SMOC2: variants seen among roughly 807,000 people sequenced by gnomAD.
SMOC2 encodes SPARC related modular calcium binding 2.
SMOC2 carries 39 observed loss-of-function variants against 61.4 expected under a neutral mutation model. The observed-to-expected ratio is 0.64, with a 90% CI of 0.49 to 0.83. The LOEUF (loss-of-function observed/expected upper bound fraction) is 0.83, where lower values mean the gene tolerates loss of function less well. Ranked by LOEUF, SMOC2 falls within the 40% of genes least tolerant of loss-of-function variation. The probability of loss-of-function intolerance (pLI) is 0.00; values close to 1 mark genes in which losing one functional copy is unlikely to be tolerated. For synonymous variants in SMOC2, 247 were observed against 239.9 expected, an observed-to-expected ratio of 1.03 and a Z score of -0.27; for missense variants, 556 against 592.9, an observed-to-expected ratio of 0.94 and a Z score of 0.65.
At chr6:168,454,560 C>T (rs1383525741) in intron 1 of SMOC2, among the ~76,000 whole-genome samples, 1 of 152,128 alleles carries the variant, frequency 6.6e-6, no homozygotes, top group Admixed American at 6.5e-5. Context: ...AGATGGGAGG[C>T]ACCTGGGCAG....
At chr6:168,534,062 A>G (rs950178941) in intron 4 of SMOC2, among the ~76,000 whole-genome samples, 2 of 152,226 alleles carry the variant, frequency 1.3e-5, no homozygotes, top group Admixed American at 6.5e-5. Context: ...CCTGTGCAAC[A>G]AAAGTGAGAC....
intron 9 of SMOC2, among the ~76,000 whole-genome samples, chr6:168,643,873 T>G (rs924672684): frequency 6.6e-6 from 1 of 152,110 alleles, no homozygotes; most frequent in Non-Finnish European, 1.5e-5. Flanking sequence ...GTCAGCTGCA[T>G]GAGGGTGACA....
chr6:168,613,012 G>A (rs1391333769), intron 9 of SMOC2, among the ~76,000 whole-genome samples: 1 of 152,200 alleles, frequency 6.6e-6, no homozygotes, highest in Non-Finnish European at 1.5e-5. Context: ...TTTCACTCTC[G>A]GATACGGTTT....
intron 7 of SMOC2, among the ~76,000 whole-genome samples, chr6:168,568,392 C>T (rs566005995): frequency 3.9e-5 from 6 of 152,200 alleles, no homozygotes; most frequent in East Asian, 1.9e-4. Context: ...CACACCTCCA[C>T]CACTTTTCCT....
intron 7 of SMOC2, among the ~76,000 whole-genome samples, chr6:168,568,567 G>A (rs934947969): frequency 2.0e-5 from 3 of 152,120 alleles, no homozygotes; most frequent in South Asian, 2.1e-4. Context: ...CCCCATCATA[G>A]TGTCATACAG....
chr6:168,505,411 A>G (rs891120905), intron 1 of SMOC2, among the ~76,000 whole-genome samples: 2 of 151,410 alleles, frequency 1.3e-5, no homozygotes, highest in Admixed American at 1.3e-4. Flanking sequence ...TGACTGAATG[A>G]AATGTCCATC....
At chr6:168,466,812 C>T (rs2115008951) in intron 1 of SMOC2, among the ~76,000 whole-genome samples, 1 of 152,330 alleles carries the variant, frequency 6.6e-6, no homozygotes, top group Non-Finnish European at 1.5e-5. Context: ...ATCCTGGACG[C>T]TTGGTTTCTC....
At chr6:168,662,285 C>A (rs1356657873) in intron 11 of SMOC2, among the ~76,000 whole-genome samples, 1 of 152,106 alleles carries the variant, frequency 6.6e-6, no homozygotes, top group African/African-American at 2.4e-5. Flanking sequence ...CCCCACAGCA[C>A]GATAGGGGTT....
At chr6:168,611,588 C>T (rs13219133) in intron 9 of SMOC2, among the ~76,000 whole-genome samples, 18 of 50,762 alleles carry the variant, frequency 3.5e-4, no homozygotes, top group Admixed American at 7.1e-4. Context: ...CGGGCCTGGC[C>T]GTGGCTCCCA....
At chr6:168,529,968 A>G (rs1208537047) in intron 4 of SMOC2, among the ~76,000 whole-genome samples, 1 of 152,276 alleles carries the variant, frequency 6.6e-6, no homozygotes, top group African/African-American at 2.4e-5. Flanking sequence ...GCTAATCTGC[A>G]GTATGCACTG....
intron 1 of SMOC2, among the ~76,000 whole-genome samples, chr6:168,461,358 T>C (rs945719155): frequency 1.3e-5 from 2 of 152,198 alleles, no homozygotes; most frequent in Admixed American, 1.3e-4. Context: ...AGCCAAACCA[T>C]ATTAAAAGTG....
chr6:168,498,544 G>T (rs1475969062), intron 1 of SMOC2, among the ~76,000 whole-genome samples: 1 of 152,226 alleles, frequency 6.6e-6, no homozygotes, highest in African/African-American at 2.4e-5. Context: ...GGTCATTGGG[G>T]TTGTCTGTGT....
intron 1 of SMOC2, among the ~76,000 whole-genome samples, chr6:168,479,450 T>C (rs1409378645): frequency 6.6e-6 from 1 of 152,228 alleles, no homozygotes; most frequent in African/African-American, 2.4e-5. Context: ...CAGAAATCTG[T>C]ATTCCCACCT....
At chr6:168,494,698 C>T (rs1782546536) in intron 1 of SMOC2, among the ~76,000 whole-genome samples, 2 of 152,230 alleles carry the variant, frequency 1.3e-5, no homozygotes, top group Admixed American at 1.3e-4. Flanking sequence ...CACCTCTCCT[C>T]ATACTGGGGT....
chr6:168,653,657 T>G (rs1370018602), intron 11 of SMOC2, among the ~76,000 whole-genome samples: 409 of 129,912 alleles, frequency 3.1e-3, no homozygotes, highest in African/African-American at 0.014. Context: ...ACCCTCTACC[T>G]GAGCTCCAAC....
At chr6:168,614,116 AG>A (rs1785977673) in intron 9 of SMOC2, among the ~76,000 whole-genome samples, 1 of 59,256 alleles carries the variant, frequency 1.7e-5, no homozygotes, top group Non-Finnish European at 3.2e-5. Flanking sequence ...CAGCACATGG[AG>A]CCTCTTCACA....
chr6:168,465,173 C>A (rs1562542161), intron 1 of SMOC2, among the ~76,000 whole-genome samples: 1 of 152,236 alleles, frequency 6.6e-6, no homozygotes, highest in Non-Finnish European at 1.5e-5. Context: ...ACATTCCTTT[C>A]TCTTTTTAAC....
At chr6:168,476,150 A>C (rs1459090992) in intron 1 of SMOC2, among the ~76,000 whole-genome samples, 2 of 152,290 alleles carry the variant, frequency 1.3e-5, no homozygotes, top group African/African-American at 2.4e-5. Flanking sequence ...CCAACTGTGC[A>C]GAGGCAGTTG....
At chr6:168,485,404 A>AAAAGG (rs1432908487) in intron 1 of SMOC2, among the ~76,000 whole-genome samples, 2 of 152,234 alleles carry the variant, frequency 1.3e-5, no homozygotes, top group Admixed American at 1.3e-4. Context: ...CATAACAGCC[A>AAAAGG]AAAGGTGAAA....
Sources: gnomAD v4.1 joint callset for allele counts (sites outside exome capture counted in the v4.1 genomes callset) on GRCh38, gnomAD v4.1.1 for gene constraint, MANE v1.5 for transcripts, NCBI Gene and HGNC (gene_info 2026-07-23, HGNC 2026-07-21) for gene names.